Variants in RASGEF1B observed in about 807,000 individuals in gnomAD.
RASGEF1B encodes RasGEF domain family member 1B.
RASGEF1B carries 30 observed loss-of-function variants against 65.7 expected under a neutral mutation model. The observed-to-expected ratio is 0.46, with a 90% CI of 0.34 to 0.62. RASGEF1B has a LOEUF of 0.62. Ranked by LOEUF, RASGEF1B falls within the 20% of genes least tolerant of loss-of-function variation. RASGEF1B has a pLI of 0.01. For synonymous variants in RASGEF1B, 175 were observed against 194.8 expected (o/e 0.90, Z 0.85); for missense variants, 495 against 580.1 (o/e 0.85, Z 1.51).
At chr4:81,457,161 C>G (rs1029388718) in intron 3 of RASGEF1B, among the ~76,000 whole-genome samples, 9 of 152,174 alleles carry the variant, frequency 5.9e-5, no homozygotes, top group Non-Finnish European at 1.3e-4. Context: ...GGATTACAGG[C>G]ATGCGCCACC....
Position 81,456,453 on chromosome 4 carries a change from A to G in RASGEF1B, c.438+198T>C, listed in dbSNP as rs752249644. On this transcript the variant is annotated intron_variant, in intron 4 of 13. Transcript: ENST00000264400. ...CCCCAAATTAATCACATAAAACTCT[A>G]GATCATATCCCTTTGAAGTGGGATG... 8.6e-6 allele frequency: 6 copies of G among 700,270 alleles called. No homozygotes were observed. In the South Asian group the frequency reaches 9.0e-5, roughly 10 times the overall value. 43.4% of individuals were successfully genotyped at this position (700,270 alleles called of 1,614,324 possible).
chr4:81,470,644 C>T (rs1722990148), intron 1 of RASGEF1B, among the ~76,000 whole-genome samples: 1 of 152,308 alleles, frequency 6.6e-6, no homozygotes, highest in Admixed American at 6.5e-5. Context: ...ACGCGTTCGG[C>T]CCAAACACAT....
chr4:81,449,987 A>G (rs1258124101), intron 4 of RASGEF1B, among the ~76,000 whole-genome samples: 1 of 152,172 alleles, frequency 6.6e-6, no homozygotes, highest in East Asian at 1.9e-4. Flanking sequence ...GTCATGGATC[A>G]CCCTAAAATC....
intron 1 of RASGEF1B, among the ~76,000 whole-genome samples, chr4:81,460,817 T>C (rs539687871): frequency 1.3e-5 from 2 of 152,358 alleles, no homozygotes; most frequent in Admixed American, 6.5e-5. Context: ...CTGAGTACTT[T>C]GTCCCCTCCA....
chr4:81,460,676 A>T (rs190024191), intron 1 of RASGEF1B, among the ~76,000 whole-genome samples: 1 of 152,356 alleles, frequency 6.6e-6, no homozygotes, highest in Non-Finnish European at 1.5e-5. Flanking sequence ...CATGTGCCTC[A>T]GCAGGGGGCG....
intron 10 of RASGEF1B, 66 bp from the exon 11 acceptor site, chr4:81,434,800 CAA>C: frequency 5.1e-6 from 4 of 779,482 alleles, no homozygotes; most frequent in Non-Finnish European, 6.7e-6. Context: ...TAAAAATACA[CAA>C]GATTAATGAA....
rs62303597 is a variant in RASGEF1B, at chr4:81,444,248, T to A, written c.928+1278A>T. ...TGCTATGGCTTGCCTTGACATTTTC[T>A]TACTAGTAGAAGAGGCAAATTAAGT... is the stretch of plus-strand genomic sequence containing the variant. On this transcript the variant is annotated intron_variant, in intron 8 of 13. Transcript: ENST00000264400. 5.0e-3 allele frequency among the ~76,000 whole-genome samples: 760 copies of A among 152,322 alleles called. 7 individuals carry two copies. The highest frequency in any genetic ancestry group is 0.026 in the South Asian group (127 of 4,832).
In RASGEF1B at chr4:81,456,916, G is replaced by GC. The variant is rs200895106; in HGVS notation, c.301-129dup. ...CTTTAGGGATGAAGAAGAAGCTCCAGCCCCCCTCCCTCCATGTCAATGCCA... is the reference window on the plus strand; with the variant it reads ...CTTTAGGGATGAAGAAGAAGCTCCAGCCCCCCCTCCCTCCATGTCAATGCCA... On this transcript the variant is annotated intron_variant, in intron 3 of 13. Coordinates refer to ENST00000264400, the MANE Select transcript of RASGEF1B (RefSeq NM_152545.3). 6.3e-4 allele frequency: 495 copies of GC among 790,244 alleles called. 1 individual carries two copies. In the African/African-American group the frequency reaches 7.9e-3, roughly 13 times the overall value. The allele number at this position is 790,244 out of a possible 1,614,324, so 49.0% of individuals were successfully genotyped here.
At chr4:81,464,761 A>G (rs1000037505) in intron 1 of RASGEF1B, among the ~76,000 whole-genome samples, 4 of 152,184 alleles carry the variant, frequency 2.6e-5, no homozygotes, top group Non-Finnish European at 5.9e-5. Flanking sequence ...ACCTTGGTCT[A>G]ACACTTTCAA....
At chr4:81,430,630 C>T (rs1413407818) in intron 13 of RASGEF1B, among the ~76,000 whole-genome samples, 1 of 152,200 alleles carries the variant, frequency 6.6e-6, no homozygotes, top group East Asian at 1.9e-4. Context: ...CCACACCACA[C>T]CCCCATCGCA....
chr4:81,444,978 T>C (rs1282278598), intron 8 of RASGEF1B, among the ~76,000 whole-genome samples: 1 of 152,176 alleles, frequency 6.6e-6, no homozygotes, highest in South Asian at 2.1e-4. Flanking sequence ...CAAGTATAAA[T>C]TGGAACAACC....
intron 9 of RASGEF1B, 63 bp downstream of exon 9, chr4:81,442,234 T>C (rs1339719518): frequency 1.9e-6 from 2 of 1,079,378 alleles, no homozygotes; most frequent in African/African-American, 3.1e-5. Flanking sequence ...CAAGACCACA[T>C]AAAGGAATTC....
chr4:81,434,710 A>C lies in RASGEF1B; in HGVS notation c.1129T>G (p.Leu377Val), dbSNP rs144537022. 53 of 1,595,212 alleles carry C rather than the reference A, an allele frequency of 3.3e-5. No individual in the cohort carries two copies. The highest frequency in any genetic ancestry group is 4.5e-5 in the Non-Finnish European group (52 of 1,163,050). The change falls in exon 11 of 14, where the codon TTA becomes GTA. Residue 377 changes from leucine to valine, a missense_variant. Coordinates refer to ENST00000264400, the MANE Select transcript of RASGEF1B (RefSeq NM_152545.3). ...TTGAGGAAATAAATATCTTTGATTAAGAGACTGAAGAATGGTATCACAATC... is the reference window on the plus strand; with the variant it reads ...TTGAGGAAATAAATATCTTTGATTACGAGACTGAAGAATGGTATCACAATC... The part of the protein sequence containing the change: ...EKIVIPFFSL[L>V]IKDIYFLNEG...
chr4:81,447,433 T>G, intron 6 of RASGEF1B, 71 bp downstream of exon 6: 1 of 1,144,420 alleles, frequency 8.7e-7, no homozygotes, highest in Non-Finnish European at 1.3e-6. Flanking sequence ...CTTCCGTCCT[T>G]TATACCCACT....
At chr4:81,453,684 T>C (rs1294430219) in intron 4 of RASGEF1B, 1 of 152,154 alleles carries the variant, frequency 6.6e-6, no homozygotes, top group African/African-American at 2.4e-5. Flanking sequence ...ATGATCATAG[T>C]TGGGTGCCAA....
At chr4:81,443,386 T>C (rs1472025260) in intron 8 of RASGEF1B, among the ~76,000 whole-genome samples, 1 of 152,186 alleles carries the variant, frequency 6.6e-6, no homozygotes, top group African/African-American at 2.4e-5. Flanking sequence ...CCAATCAAGA[T>C]ATAGTAGCAC....
chr4:81,429,681 G>C (rs1020741771), intron 13 of RASGEF1B, among the ~76,000 whole-genome samples: 2 of 152,236 alleles, frequency 1.3e-5, no homozygotes, highest in African/African-American at 4.8e-5. Flanking sequence ...CGCAAGTGGC[G>C]AGTCGTCGAG....
At chr4:81,446,302 G>A (rs1046816631) in intron 6 of RASGEF1B, among the ~76,000 whole-genome samples, 1 of 152,224 alleles carries the variant, frequency 6.6e-6, no homozygotes, top group African/African-American at 2.4e-5. Flanking sequence ...CTTGAACCCG[G>A]GAGGAGGTTG....
intron 2 of RASGEF1B, 85 bp from the exon 3 acceptor site, chr4:81,457,706 T>G: frequency 6.8e-7 from 1 of 1,475,876 alleles, no homozygotes; most frequent in Non-Finnish European, 9.3e-7. Flanking sequence ...TTTCATTAAG[T>G]TCTCCTGATC....
Sources: gnomAD v4.1 joint callset for allele counts (sites outside exome capture counted in the v4.1 genomes callset) on GRCh38, gnomAD v4.1.1 for gene constraint, MANE v1.5 for transcripts, NCBI Gene and HGNC (gene_info 2026-07-23, HGNC 2026-07-21) for gene names.